Variants in SCARA3 observed in about 807,000 individuals in gnomAD.
SCARA3 encodes the protein scavenger receptor class A member 3, also known as cellular stress response gene protein.
In SCARA3, 39 loss-of-function variants were observed where a neutral mutation model predicts 47.0. The ratio of observed to expected loss-of-function variants is 0.83; its 90% CI spans 0.64 to 1.08. The LOEUF is 1.08. SCARA3 is among the 50% of genes least tolerant of loss of function. The pLI is 0.00. For missense variants in SCARA3, 724 were observed against 792.3 expected (o/e 0.91, Z 1.04); for synonymous variants, 356 against 334.1 (o/e 1.07, Z -0.71).
chr8:27,651,673 T>G, intron 3 of SCARA3, 46 bp downstream of exon 3: 1 of 1,605,992 alleles, frequency 6.2e-7, no homozygotes, highest in Non-Finnish European at 8.5e-7. Flanking sequence ...GGGTGTCTGA[T>G]CAGGGATCCA....
the SCARA3 span, among the ~76,000 whole-genome samples, chr8:27,714,985 T>C: frequency 6.6e-6 from 1 of 152,166 alleles, no homozygotes; most frequent in African/African-American, 2.4e-5. Flanking sequence ...AGTGGCATGA[T>C]CATGGCTCAC....
In SCARA3 at chr8:27,639,907, G is replaced by A. The variant is rs186560531; in HGVS notation, c.7+5700G>A. On this transcript the variant is annotated intron_variant, in intron 1 of 5. Transcript: ENST00000301904. ...GGATTCATGGATCAGAGAAGGCCAGGTTGCAAGGGCCAGAGGGGCTGAGTG... is the reference window on the plus strand; with the variant it reads ...GGATTCATGGATCAGAGAAGGCCAGATTGCAAGGGCCAGAGGGGCTGAGTG... 1.8e-3 allele frequency among the ~76,000 whole-genome samples: 268 copies of A among 152,302 alleles called. 1 individual carries two copies. Among genetic ancestry groups the A allele is most frequent in the Non-Finnish European group, 3.0e-3 (207 of 68,026 alleles).
chr8:27,708,407 C>A, the SCARA3 span, among the ~76,000 whole-genome samples: 3 of 152,076 alleles, frequency 2.0e-5, no homozygotes, highest in African/African-American at 7.2e-5. Context: ...ATGATGTAAA[C>A]CCTGACTGCT....
chr8:27,665,983 A>G (rs1802007297), intron 5 of SCARA3, among the ~76,000 whole-genome samples: 1 of 152,224 alleles, frequency 6.6e-6, no homozygotes, highest in South Asian at 2.1e-4. Context: ...ATACAAAGGG[A>G]TTCAATCTGC....
chr8:27,727,741 C>A, the SCARA3 span, among the ~76,000 whole-genome samples: 1 of 152,140 alleles, frequency 6.6e-6, no homozygotes, highest in African/African-American at 2.4e-5. Flanking sequence ...CCTAAAAAAT[C>A]TAGATTTGTA....
the SCARA3 span, among the ~76,000 whole-genome samples, chr8:27,719,536 T>C: frequency 3.8e-5 from 5 of 130,276 alleles, no homozygotes. Context: ...AAAATAAAAG[T>C]TAAAAAAAAA....
At chr8:27,688,961 AT>A in the SCARA3 span, among the ~76,000 whole-genome samples, 3 of 152,086 alleles carry the variant, frequency 2.0e-5, no homozygotes, top group Non-Finnish European at 4.4e-5. Context: ...AGTATGATAT[AT>A]TTCACAGTGT....
intron 5 of SCARA3, among the ~76,000 whole-genome samples, chr8:27,666,787 T>A (rs929661864): frequency 2.0e-5 from 3 of 152,148 alleles, no homozygotes; most frequent in South Asian, 4.1e-4. Flanking sequence ...GCAGTGCTGA[T>A]GCCCGAGACA....
downstream of SCARA3, among the ~76,000 whole-genome samples, chr8:27,681,435 A>G (rs887943037): frequency 6.6e-6 from 1 of 152,200 alleles, no homozygotes; most frequent in Non-Finnish European, 1.5e-5. Flanking sequence ...TAATATCTCT[A>G]CATATGGACT....
intron 1 of SCARA3, among the ~76,000 whole-genome samples, chr8:27,648,333 G>A (rs1443897973): frequency 1.3e-5 from 2 of 152,240 alleles, no homozygotes; most frequent in African/African-American, 2.4e-5. Flanking sequence ...GAGGCAGGGC[G>A]CAGTGGCTCA....
chr8:27,646,087 G>A (rs185113190), intron 1 of SCARA3, among the ~76,000 whole-genome samples: 1 of 152,344 alleles, frequency 6.6e-6, no homozygotes, highest in Admixed American at 6.5e-5. Context: ...GGTCCCCACA[G>A]TCCGGGGCTT....
rs994084729 is a variant in SCARA3 at position 27,671,502 on chromosome 8, C to G, written c.*151C>G. ...CTGACCCTGCAGCTTTGGGCTCCCCCATAGTGACTGTGCCATAGGAAAGCA... is the reference window on the plus strand; with the variant it reads ...CTGACCCTGCAGCTTTGGGCTCCCCGATAGTGACTGTGCCATAGGAAAGCA... On this transcript the variant is annotated 3_prime_UTR_variant, in exon 6 of 6. Coordinates refer to ENST00000301904, the MANE Select transcript of SCARA3 (RefSeq NM_016240.3). 2 of 1,295,340 alleles carry G rather than the reference C, an allele frequency of 1.5e-6. No individual in the cohort carries two copies. The highest frequency in any genetic ancestry group is 1.9e-6 in the Non-Finnish European group (2 of 1,027,104). 80.2% of individuals were successfully genotyped at this position (1,295,340 alleles called of 1,614,324 possible). A position where few individuals can be genotyped will look rare whatever the true frequency, so the allele number is the denominator to read the frequency against.
Position 27,659,092 on chromosome 8 carries a change from C to G in SCARA3, c.922C>G (p.Gln308Glu), listed in dbSNP as rs1246682036. ...CCTGGTACTCCAGGTCATGGGCTTG[C>G]AGCTGCAGCTGGATAACATCTCGTC... ...HDLVLQVMGL[Q>E]LQLDNISSFL... Residue 308 changes from glutamine (Q) to glutamate (E), a missense_variant, in exon 5 of 6, where the codon CAG becomes GAG. Transcript: ENST00000301904. The G allele has an allele frequency of 1.2e-6, 2 of 1,614,022 alleles. No individual in the cohort carries two copies. Among genetic ancestry groups the G allele is most frequent in the Non-Finnish European group, 1.7e-6 (2 of 1,180,030 alleles).
chr8:27,697,531 G>C, the SCARA3 span: 1 of 152,206 alleles, frequency 6.6e-6, no homozygotes, highest in Non-Finnish European at 1.5e-5. Flanking sequence ...ATATCCCACT[G>C]TGCCCTACTC....
At chr8:27,698,166 C>A in the SCARA3 span, among the ~76,000 whole-genome samples, 2 of 152,152 alleles carry the variant, frequency 1.3e-5, no homozygotes, top group South Asian at 4.1e-4. Flanking sequence ...ATAAAAATTG[C>A]TAAAGGGTAT....
chr8:27,640,210 A>T (rs991028111), intron 1 of SCARA3, among the ~76,000 whole-genome samples: 2 of 152,168 alleles, frequency 1.3e-5, no homozygotes, highest in Non-Finnish European at 2.9e-5. Flanking sequence ...CACATTTATT[A>T]TTTTTTTAAA....
intron 1 of SCARA3, among the ~76,000 whole-genome samples, chr8:27,641,019 T>A (rs992549312): frequency 6.6e-6 from 1 of 152,196 alleles, no homozygotes; most frequent in African/African-American, 2.4e-5. Context: ...AAAAAATGGT[T>A]TCATAACATC....
chr8:27,643,141 C>G (rs950372865), intron 1 of SCARA3, among the ~76,000 whole-genome samples: 3 of 152,172 alleles, frequency 2.0e-5, no homozygotes, highest in African/African-American at 7.2e-5. Context: ...GGGCCGTGCT[C>G]ATCTAATGAA....
At chr8:27,703,473 T>C in the SCARA3 span, 1 of 152,298 alleles carries the variant, frequency 6.6e-6, no homozygotes, top group Non-Finnish European at 1.5e-5. Context: ...AGATCTGATT[T>C]GCAAAATGGT....
Sources: gnomAD v4.1 joint callset for allele counts (sites outside exome capture counted in the v4.1 genomes callset) on GRCh38, gnomAD v4.1.1 for gene constraint, MANE v1.5 for transcripts, NCBI Gene and HGNC (gene_info 2026-07-23, HGNC 2026-07-21) for gene names.